ARMC2: variants seen among roughly 807,000 people sequenced by gnomAD.
The protein encoded by ARMC2 is armadillo repeat containing 2, also known as armadillo repeat-containing protein 2.
In ARMC2, 67 loss-of-function variants were observed where a neutral mutation model predicts 90.3. The ratio of observed to expected loss-of-function variants is 0.74; its 90% confidence interval spans 0.61 to 0.91. The LOEUF is 0.91. ARMC2 is among the 40% of genes least tolerant of loss of function. The probability of loss-of-function intolerance (pLI) is 0.00; values close to 1 mark genes in which losing one functional copy is unlikely to be tolerated. For synonymous variants in ARMC2, 393 were observed against 393.0 expected (o/e 1.00, Z 0.00); for missense variants, 920 against 1,030.9 (o/e 0.89, Z 1.47).
chr6:109,006,678 T>C, the ARMC2 span, among the ~76,000 whole-genome samples: 1 of 152,202 alleles, frequency 6.6e-6, no homozygotes, highest in Admixed American at 6.5e-5. Flanking sequence ...ACCACTGTTA[T>C]TATACAGTAG....
chr6:108,891,832 C>T (rs1302214044), intron 5 of ARMC2, among the ~76,000 whole-genome samples: 1 of 152,144 alleles, frequency 6.6e-6, no homozygotes, highest in African/African-American at 2.4e-5. Flanking sequence ...ATGCCTATGT[C>T]CTGAATGGTA....
intron 12 of ARMC2, among the ~76,000 whole-genome samples, chr6:108,951,165 C>T (rs1231016804): frequency 6.6e-6 from 1 of 152,206 alleles, no homozygotes; most frequent in East Asian, 1.9e-4. Context: ...GCCTGCCTGG[C>T]TGTGACCTGG....
the ARMC2 span, among the ~76,000 whole-genome samples, chr6:108,984,345 T>G: frequency 1.3e-5 from 2 of 152,190 alleles, no homozygotes; most frequent in African/African-American, 4.8e-5. Context: ...GCTCACAGTT[T>G]TGGAGGCTGG....
intron 12 of ARMC2, among the ~76,000 whole-genome samples, chr6:108,948,431 A>AG (rs1051521069): frequency 6.6e-5 from 10 of 151,896 alleles, no homozygotes; most frequent in African/African-American, 2.2e-4. Context: ...TTAAGAAGGG[A>AG]GGGGAAAAAA....
chr6:108,987,506 C>A, the ARMC2 span: 1 of 1,167,002 alleles, frequency 8.6e-7, no homozygotes. Context: ...ACTATATCTG[C>A]TGATCATTCC....
chr6:108,965,142 TAA>T lies in ARMC2; in HGVS notation c.2446+3_2446+4del. On this transcript the variant is annotated splice_donor_region_variant and intron_variant, in intron 17 of 17. Coordinates refer to ENST00000392644, the MANE Select transcript of ARMC2 (RefSeq NM_032131.6). ...TACTCTTGCTCTCATCATTTTTAGG[TAA>T]GACTCTTGACTATGATGAGTCTGTG... 1 of 1,600,294 alleles carries T rather than the reference TAA, an allele frequency of 6.2e-7. No individual in the cohort carries two copies. The highest frequency in any genetic ancestry group is 8.6e-7 in the Non-Finnish European group (1 of 1,168,358).
intron 6 of ARMC2, 126 bp downstream of exon 6, chr6:108,894,669 A>G (rs751887172): frequency 6.8e-5 from 49 of 720,318 alleles, no homozygotes; most frequent in Non-Finnish European, 1.0e-4. Context: ...ACAAATCAAC[A>G]TTTATTTTTA....
intron 5 of ARMC2, among the ~76,000 whole-genome samples, chr6:108,879,433 A>G (rs1327145338): frequency 6.7e-6 from 1 of 149,836 alleles, no homozygotes; most frequent in Non-Finnish European, 1.5e-5. Context: ...CCATCCACCT[A>G]TCCATGCACC....
chr6:108,990,661 A>C, the ARMC2 span: 1 of 1,614,056 alleles, frequency 6.2e-7, no homozygotes, highest in Non-Finnish European at 8.5e-7. Context: ...CCAAACATGC[A>C]GTGAATATAG....
chr6:108,961,891 C>T, intron 14 of ARMC2, 123 bp from the exon 15 acceptor site: 1 of 967,528 alleles, frequency 1.0e-6, no homozygotes, highest in Admixed American at 3.0e-5. Flanking sequence ...TGCTAAAGTC[C>T]CTTACAGTTT....
chr6:108,888,680 C>T (rs1770633768), intron 5 of ARMC2, among the ~76,000 whole-genome samples: 1 of 152,200 alleles, frequency 6.6e-6, no homozygotes, highest in African/African-American at 2.4e-5. Flanking sequence ...TACTGTGGGA[C>T]TTCAGCTCTA....
the ARMC2 span, among the ~76,000 whole-genome samples, chr6:108,994,956 G>A: frequency 1.3e-5 from 2 of 152,060 alleles, no homozygotes; most frequent in African/African-American, 4.8e-5. Context: ...TGTCCACCTC[G>A]GCCTTCCAAA....
the ARMC2 span, among the ~76,000 whole-genome samples, chr6:109,050,986 C>T: frequency 1.3e-5 from 2 of 152,148 alleles, no homozygotes; most frequent in Non-Finnish European, 2.9e-5. Context: ...TAAAGTTGTT[C>T]AATTAGCATG....
chr6:109,019,899 G>T, the ARMC2 span, among the ~76,000 whole-genome samples: 1 of 152,030 alleles, frequency 6.6e-6, no homozygotes, highest in Non-Finnish European at 1.5e-5. Flanking sequence ...TCATAAATAC[G>T]CATTAAAATG....
intron 6 of ARMC2, among the ~76,000 whole-genome samples, chr6:108,896,881 T>C (rs1274179223): frequency 4.6e-5 from 7 of 152,212 alleles, no homozygotes; most frequent in Admixed American, 4.6e-4. Flanking sequence ...AAGTGTGTTA[T>C]AAATATGTAT....
chr6:108,894,364 T>A, intron 5 of ARMC2, 103 bp from the exon 6 acceptor site: 1 of 991,380 alleles, frequency 1.0e-6, no homozygotes, highest in South Asian at 1.8e-5. Flanking sequence ...GTGAGACCTA[T>A]CTCAAAATAA....
chr6:109,030,526 T>G, the ARMC2 span, among the ~76,000 whole-genome samples: 2 of 152,190 alleles, frequency 1.3e-5, no homozygotes, highest in Non-Finnish European at 2.9e-5. Context: ...TAAAGTTACT[T>G]TATCCATAAG....
At chr6:109,009,314 C>A in the ARMC2 span, 3 of 1,442,974 alleles carry the variant, frequency 2.1e-6, no homozygotes, top group African/African-American at 4.4e-5. Context: ...CGGGTGCCCA[C>A]CCGCCCAGGT....
chr6:108,964,187 G>T lies in ARMC2; in HGVS notation c.2160G>T (p.Arg720Ser), dbSNP rs1436730331. 6.2e-7 allele frequency: 1 copy of T among 1,613,692 alleles called. No homozygotes were observed. Among genetic ancestry groups the T allele is most frequent in the East Asian group, 2.2e-5 (1 of 44,868 alleles). Residue 720 changes from arginine (R) to serine (S), a missense_variant, in exon 16 of 18, where the codon AGG becomes AGT. Coordinates refer to ENST00000392644, the MANE Select transcript of ARMC2 (RefSeq NM_032131.6). ...CDFIVQNNVHRFMMALLDAQH... is the reference protein window; with the variant it reads ...CDFIVQNNVHSFMMALLDAQH... Reference sequence around the variant, plus strand: ...TGCTCTCTTCCCTCGTAGTCCACAGGTTCATGATGGCGCTGCTGGATGCTC... The same window carrying T: ...TGCTCTCTTCCCTCGTAGTCCACAGTTTCATGATGGCGCTGCTGGATGCTC...
Sources: allele counts gnomAD v4.1 joint callset (sites outside exome capture counted in the v4.1 genomes callset), GRCh38; gene constraint gnomAD v4.1.1; transcripts MANE v1.5; gene names NCBI Gene and HGNC (gene_info 2026-07-23, HGNC 2026-07-21).